The following PDE1C variants were observed in gnomAD, a reference collection of about 807,000 sequenced individuals.
The protein encoded by PDE1C is phosphodiesterase 1C.
PDE1C carries 62 observed loss-of-function variants against 93.1 expected under a neutral mutation model. The observed-to-expected ratio is 0.67, with a 90% CI of 0.54 to 0.82. The LOEUF (loss-of-function observed/expected upper bound fraction) is 0.82, where lower values mean the gene tolerates loss of function less well. Ranked by LOEUF, PDE1C falls within the 40% of genes least tolerant of loss-of-function variation. The pLI is 0.00. For synonymous variants in PDE1C, 325 were observed against 310.1 expected (o/e 1.05, Z -0.50); for missense variants, 742 against 884.6 (o/e 0.84, Z 2.04).
At chr7:31,803,701 T>C (rs1204274378) in intron 16 of PDE1C, among the ~76,000 whole-genome samples, 1 of 151,992 alleles carries the variant, frequency 6.6e-6, no homozygotes, top group Non-Finnish European at 1.5e-5. Context: ...TCCAGTTTCA[T>C]CCATGTCCCT....
intron 2 of PDE1C, among the ~76,000 whole-genome samples, chr7:31,996,066 G>GACACACACAC (rs3078631): frequency 1.8e-4 from 25 of 138,646 alleles, no homozygotes; most frequent in Admixed American, 5.1e-4. Flanking sequence ...TACGCTTCCG[G>GACACACACAC]ACACACACAC....
chr7:32,374,593 A>G (rs1010355347), intron 1 of PDE1C, among the ~76,000 whole-genome samples: 2 of 152,226 alleles, frequency 1.3e-5, no homozygotes, highest in African/African-American at 4.8e-5. Flanking sequence ...CCAAACCTAA[A>G]GTCACCCAAC....
chr7:32,372,477 C>T lies in PDE1C; in HGVS notation c.310+55345G>A, dbSNP rs185567282. ...GTTCGACCCTTCCTCACACAATACA[C>T]GAAATTAACTCAAAACAGATCATAG... On this transcript the variant is annotated intron_variant, in intron 1 of 1. Coordinates refer to the PDE1C transcript ENST00000672256. 1.4e-3 allele frequency among the ~76,000 whole-genome samples: 215 copies of T among 152,146 alleles called. 1 individual carries two copies. The highest frequency in any genetic ancestry group is 2.1e-3 in the Non-Finnish European group (144 of 68,018).
chr7:32,399,380 G>A (rs1784900393), intron 1 of PDE1C, among the ~76,000 whole-genome samples: 1 of 152,150 alleles, frequency 6.6e-6, no homozygotes, highest in South Asian at 2.1e-4. Flanking sequence ...TTAAGCAACA[G>A]AAATTTATTT....
chr7:31,682,147 G>T, the PDE1C span, among the ~76,000 whole-genome samples: 146 of 152,282 alleles, frequency 9.6e-4, 1 homozygote, highest in African/African-American at 3.4e-3. Flanking sequence ...CTCATAGGAT[G>T]GTGCTGAGAA....
At chr7:31,665,058 T>G in the PDE1C span, among the ~76,000 whole-genome samples, 1 of 152,168 alleles carries the variant, frequency 6.6e-6, no homozygotes. Flanking sequence ...CTGACCTAAT[T>G]TCATACCATT....
chr7:31,691,106 G>A, the PDE1C span, among the ~76,000 whole-genome samples: 2 of 152,090 alleles, frequency 1.3e-5, no homozygotes, highest in Admixed American at 6.5e-5. Context: ...TGAAAACAAT[G>A]GTCTGAATTG....
intron 1 of PDE1C, among the ~76,000 whole-genome samples, chr7:32,235,801 T>C (rs1198045580): frequency 1.3e-5 from 2 of 152,118 alleles, no homozygotes; most frequent in Admixed American, 6.5e-5. Context: ...TGCAAGCTGA[T>C]TTTGAAATGT....
chr7:31,890,673 A>AT (rs1798508738), intron 2 of PDE1C, among the ~76,000 whole-genome samples: 1 of 152,220 alleles, frequency 6.6e-6, no homozygotes, highest in Non-Finnish European at 1.5e-5. Context: ...CTAAGGTTAC[A>AT]TTTTTCTCAT....
At chr7:31,851,957 G>T in intron 7 of PDE1C, among the ~76,000 whole-genome samples, 1 of 152,202 alleles carries the variant, frequency 6.6e-6, no homozygotes, top group Middle Eastern at 3.4e-3. Flanking sequence ...ATCTTAGATA[G>T]GGGCAGGGTT....
intron 2 of PDE1C, among the ~76,000 whole-genome samples, chr7:32,051,235 T>C (rs1271010975): frequency 6.6e-6 from 1 of 152,090 alleles, no homozygotes; most frequent in Non-Finnish European, 1.5e-5. Context: ...GTGCTCCCCA[T>C]CCATAAACCT....
chr7:31,633,878 T>A, the PDE1C span, among the ~76,000 whole-genome samples: 1 of 152,220 alleles, frequency 6.6e-6, no homozygotes, highest in Non-Finnish European at 1.5e-5. Context: ...TGACACCCCA[T>A]CACCTCTGCT....
chr7:32,177,176 A>T (rs529272051), intron 2 of PDE1C, among the ~76,000 whole-genome samples: 2 of 152,238 alleles, frequency 1.3e-5, no homozygotes, highest in African/African-American at 2.4e-5. Context: ...TGCGTCCAAC[A>T]TAAGGTCTTG....
chr7:31,846,835 A>G (rs1401784298), intron 9 of PDE1C, among the ~76,000 whole-genome samples: 2 of 152,136 alleles, frequency 1.3e-5, no homozygotes, highest in African/African-American at 4.8e-5. Flanking sequence ...ATGCTGGCTG[A>G]GTCTAGCATA....
upstream of PDE1C, chr7:32,071,113 T>C: frequency 1.0e-5 from 10 of 985,436 alleles, no homozygotes; most frequent in Non-Finnish European, 1.2e-5. Flanking sequence ...GGGCACACGC[T>C]GGGCTCCGAC....
chr7:31,718,020 G>T, the PDE1C span, among the ~76,000 whole-genome samples: 1 of 152,168 alleles, frequency 6.6e-6, no homozygotes, highest in Admixed American at 6.5e-5. Flanking sequence ...AGGTGAAATA[G>T]CAGGTAGCAT....
chr7:31,992,785 T>C (rs575020837), intron 2 of PDE1C, among the ~76,000 whole-genome samples: 1 of 152,200 alleles, frequency 6.6e-6, no homozygotes, highest in Non-Finnish European at 1.5e-5. Flanking sequence ...AACAAACACA[T>C]GCTGAACCCT....
intron 17 of PDE1C, among the ~76,000 whole-genome samples, chr7:31,753,869 G>C (rs1446262422): frequency 2.0e-5 from 3 of 152,196 alleles, no homozygotes; most frequent in Non-Finnish European, 2.9e-5. Context: ...TCTGGGAACA[G>C]CAAAGCAAAC....
chr7:31,950,398 C>T (rs185457325), intron 2 of PDE1C, among the ~76,000 whole-genome samples: 195 of 152,292 alleles, frequency 1.3e-3, no homozygotes, highest in African/African-American at 4.5e-3. Flanking sequence ...CCTCCAAAGA[C>T]CATCTCGATT....
Sources: allele counts gnomAD v4.1 joint callset (sites outside exome capture counted in the v4.1 genomes callset), GRCh38; gene constraint gnomAD v4.1.1; transcripts MANE v1.5; gene names NCBI Gene and HGNC (gene_info 2026-07-23, HGNC 2026-07-21).